The following SEMA3A variants were observed in gnomAD, a reference collection of about 807,000 sequenced individuals.
The protein encoded by SEMA3A is semaphorin-3A.
Under a neutral mutation model 97.9 loss-of-function variants are expected in SEMA3A, and 29 were observed. That is an observed-to-expected ratio of 0.30 (90% CI 0.22 to 0.40). SEMA3A has a LOEUF of 0.40. Among genes scored for constraint, SEMA3A ranks in the 10% least tolerant of loss-of-function variants. The pLI is 1.00. For missense variants in SEMA3A, 763 were observed against 951.3 expected (o/e 0.80, Z 2.60); for synonymous variants, 321 against 323.7 (o/e 0.99, Z 0.09).
chr7:84,149,666 C>T (rs1796569196), intron 1 of SEMA3A, among the ~76,000 whole-genome samples: 1 of 152,190 alleles, frequency 6.6e-6, no homozygotes, highest in Non-Finnish European at 1.5e-5. Flanking sequence ...TCTACTTCAT[C>T]ACAAAACGTG....
chr7:84,281,333 T>C (rs1800434679), intron 3 of SEMA3A, among the ~76,000 whole-genome samples: 2 of 152,136 alleles, frequency 1.3e-5, no homozygotes, highest in African/African-American at 4.8e-5. Context: ...GCCAGCCTTA[T>C]GATAACCACT....
At chr7:84,086,836 CCTT>C (rs1170323162) in intron 4 of SEMA3A, among the ~76,000 whole-genome samples, 3 of 151,322 alleles carry the variant, frequency 2.0e-5, no homozygotes, top group African/African-American at 7.3e-5. Flanking sequence ...GGTGCTCTAT[CCTT>C]CTTTACCCAA....
At position 84,300,569 on chromosome 7, in the gene SEMA3A, T is replaced by A. The variant is rs529897770; in HGVS notation, c.-83+6638A>T. Among the ~76,000 whole-genome samples, 86 of 152,096 alleles carry A rather than the reference T, an allele frequency of 5.7e-4. 1 individual carries two copies. Among genetic ancestry groups the A allele is most frequent in the Non-Finnish European group, 1.2e-4 (8 of 67,938 alleles). ...AAAATGAAGACACAAATAATAAGCA[T>A]GAGAATGCTGGAATGACTATATGAA... is the stretch of plus-strand genomic sequence containing the variant. On this transcript the variant is annotated intron_variant, in intron 3 of 3. Transcript: ENST00000424555.
intron 1 of SEMA3A, among the ~76,000 whole-genome samples, chr7:84,160,414 G>A (rs1796993986): frequency 6.6e-6 from 1 of 151,932 alleles, no homozygotes; most frequent in Non-Finnish European, 1.5e-5. Context: ...GCTGGATGCA[G>A]TAGCACATGC....
Position 83,961,337 on chromosome 7 carries a change from T to C in SEMA3A, c.*34A>G. The stretch of plus-strand genomic sequence containing the variant: ...TTTCCAGTTATTGTCTAGGCAAGTT[T>C]CTACTTGTTTGAGGTTTCTAGAGGT... On this transcript the variant is annotated 3_prime_UTR_variant, in exon 17 of 17. Coordinates refer to ENST00000265362, the MANE Select transcript of SEMA3A (RefSeq NM_006080.3). 1 of 1,548,534 alleles carries C rather than the reference T, an allele frequency of 6.5e-7. No individual in the cohort carries two copies. The highest frequency in any genetic ancestry group is 1.1e-5 in the South Asian group (1 of 89,070).
chr7:84,032,343 T>C (rs996524550), intron 6 of SEMA3A, among the ~76,000 whole-genome samples: 1 of 152,204 alleles, frequency 6.6e-6, no homozygotes, highest in Non-Finnish European at 1.5e-5. Context: ...AATGCGATTA[T>C]AGATAGAACC....
intron 4 of SEMA3A, among the ~76,000 whole-genome samples, chr7:84,071,782 A>C (rs1793749824): frequency 6.6e-6 from 1 of 152,060 alleles, no homozygotes; most frequent in South Asian, 2.1e-4. Context: ...GTGAGGGACA[A>C]ATCTAAGTAC....
chr7:84,402,482 TC>T (rs1803931880), intron 1 of SEMA3A, among the ~76,000 whole-genome samples: 1 of 151,956 alleles, frequency 6.6e-6, no homozygotes, highest in African/African-American at 2.4e-5. Flanking sequence ...AATTCATGAA[TC>T]CCCCAGCTGG....
intron 15 of SEMA3A, among the ~76,000 whole-genome samples, chr7:83,967,656 G>A (rs907803253): frequency 1.3e-5 from 2 of 152,108 alleles, no homozygotes; most frequent in Admixed American, 6.5e-5. Flanking sequence ...TCTGGAGGCT[G>A]AGGCAGGAGA....
intron 3 of SEMA3A, among the ~76,000 whole-genome samples, chr7:84,242,700 C>T (rs541572993): frequency 4.6e-5 from 7 of 152,264 alleles, no homozygotes; most frequent in Admixed American, 3.9e-4. Context: ...AGAGGGCATC[C>T]TTGTCTTGAG....
chr7:83,988,751 TATG>T (rs1205962266), intron 12 of SEMA3A, among the ~76,000 whole-genome samples: 1 of 151,984 alleles, frequency 6.6e-6, no homozygotes, highest in Non-Finnish European at 1.5e-5. Flanking sequence ...TAAAGACAAT[TATG>T]ATGAAAGGAA....
intron 3 of SEMA3A, among the ~76,000 whole-genome samples, chr7:84,260,189 AG>A (rs558827455): frequency 4.3e-4 from 66 of 152,342 alleles, no homozygotes; most frequent in Middle Eastern, 3.4e-3. Flanking sequence ...AGAGCTTCAT[AG>A]AACAAAATAA....
intron 1 of SEMA3A, among the ~76,000 whole-genome samples, chr7:84,181,933 G>A (rs1797747412): frequency 6.6e-6 from 1 of 152,104 alleles, no homozygotes; most frequent in South Asian, 2.1e-4. Flanking sequence ...TGGTGCATAA[G>A]TGTTTTCCAA....
At chr7:84,420,355 A>C (rs1473559154) in intron 1 of SEMA3A, among the ~76,000 whole-genome samples, 1 of 152,094 alleles carries the variant, frequency 6.6e-6, no homozygotes, top group Non-Finnish European at 1.5e-5. Flanking sequence ...TAGACACAAA[A>C]AATATTTTAA....
At chr7:84,066,845 C>A (rs1793524000) in intron 4 of SEMA3A, among the ~76,000 whole-genome samples, 1 of 152,072 alleles carries the variant, frequency 6.6e-6, no homozygotes, top group African/African-American at 2.4e-5. Context: ...GGCCATACTG[C>A]CCAAGGTAAT....
chr7:84,196,616 T>A (rs542594256), upstream of SEMA3A, among the ~76,000 whole-genome samples: 289 of 152,276 alleles, frequency 1.9e-3, 1 homozygote, highest in African/African-American at 6.3e-3. Context: ...TTTTACTGAT[T>A]CCCACACTTG....
intron 1 of SEMA3A, among the ~76,000 whole-genome samples, chr7:84,404,234 C>T (rs908626638): frequency 1.3e-5 from 2 of 152,102 alleles, no homozygotes; most frequent in African/African-American, 4.8e-5. Context: ...AGGACGAGAA[C>T]TACGTAATGA....
At chr7:83,987,455 T>C (rs797817) in intron 12 of SEMA3A, among the ~76,000 whole-genome samples, 128,289 of 152,074 alleles carry the variant, frequency 0.84, 54,434 homozygotes, top group East Asian at 0.98. Context: ...GTCTTTTGGC[T>C]TGCTGGGGCA....
chr7:84,441,337 T>G (rs753247544), intron 1 of SEMA3A, among the ~76,000 whole-genome samples: 1 of 151,240 alleles, frequency 6.6e-6, no homozygotes, highest in East Asian at 1.9e-4. Context: ...GAAACATCAA[T>G]AAAGAGATAG....
Sources: gnomAD v4.1 joint callset for allele counts (sites outside exome capture counted in the v4.1 genomes callset) on GRCh38, gnomAD v4.1.1 for gene constraint, MANE v1.5 for transcripts, NCBI Gene and HGNC (gene_info 2026-07-23, HGNC 2026-07-21) for gene names.